Variants in SHROOM2 observed in about 807,000 individuals in gnomAD.
SHROOM2 encodes the protein shroom family member 2.
SHROOM2 carries 33 observed loss-of-function variants against 75.9 expected under a neutral mutation model. The observed-to-expected ratio is 0.43, with a 90% CI of 0.33 to 0.58. SHROOM2 has a LOEUF of 0.58. Among genes scored for constraint, SHROOM2 ranks in the 20% least tolerant of loss-of-function variants. SHROOM2 has a pLI of 0.04. For synonymous variants in SHROOM2, 655 were observed against 663.6 expected, an observed-to-expected ratio of 0.99 and a Z score of 0.20; for missense variants, 1,434 against 1,461.2, an observed-to-expected ratio of 0.98 and a Z score of 0.30.
intron 1 of SHROOM2, among the ~76,000 whole-genome samples, chrX:9,799,386 G>A (rs1237046755): frequency 2.7e-5 from 3 of 109,730 alleles, no homozygotes; most frequent in Non-Finnish European, 3.8e-5. Context: ...GGCTGGTCTC[G>A]AACTCCTGAC....
chrX:9,858,021 G>A (rs915465047), intron 1 of SHROOM2, among the ~76,000 whole-genome samples: 3 of 111,663 alleles, frequency 2.7e-5, no homozygotes, highest in African/African-American at 9.8e-5. Context: ...GCACTCCAGG[G>A]CTTTATGTTT....
At chrX:9,819,442 A>G (rs2083840391) in intron 1 of SHROOM2, 3 of 355,192 alleles carry the variant, frequency 8.4e-6, no homozygotes, top group Non-Finnish European at 1.0e-5. Context: ...AACTGGTCTG[A>G]TATGCTGGGG....
Position 9,786,598 on chromosome X carries a change from C to CGCGGGCG in SHROOM2, c.58_64dup (p.Asp22GlyfsTer38). The CGCGGGCG allele has an allele frequency of 1.3e-5, 11 of 873,970 alleles. No homozygotes were observed. Among genetic ancestry groups the CGCGGGCG allele is most frequent in the Non-Finnish European group, 1.3e-5 (9 of 715,416 alleles). The allele number at this position is 873,970 out of a possible 1,213,427, so 72.0% of individuals were successfully genotyped here. A position where few individuals can be genotyped will look rare whatever the true frequency, so the allele number is the denominator to read the frequency against. ...CCCGAGCGCCTGGCCGAGGCCGAGA[C>CGCGGGCG]GCGGGCGGCGGACGGCGGGCGCCTG... On this transcript the variant is annotated frameshift_variant, in exon 1 of 10. Transcript: ENST00000380913. LOFTEE classifies it high-confidence loss of function.
At chrX:9,928,682 A>G (rs1406325141) in intron 5 of SHROOM2, among the ~76,000 whole-genome samples, 1 of 111,230 alleles carries the variant, frequency 9.0e-6, no homozygotes, top group Non-Finnish European at 1.9e-5. Context: ...ACAACGCACA[A>G]CACAGGCACA....
chrX:9,813,377 A>T (rs1651651017), intron 1 of SHROOM2, among the ~76,000 whole-genome samples: 1 of 111,459 alleles, frequency 9.0e-6, no homozygotes, highest in Admixed American at 9.6e-5. Context: ...CCCTACTTCA[A>T]CTGGAGGACC....
chrX:9,928,750 G>A (rs916353465), intron 5 of SHROOM2, among the ~76,000 whole-genome samples: 4 of 108,842 alleles, frequency 3.7e-5, no homozygotes, highest in East Asian at 2.9e-4. Flanking sequence ...CAACCCAGGC[G>A]TACACATACA....
chrX:9,805,402 C>G (rs182197847), intron 1 of SHROOM2, among the ~76,000 whole-genome samples: 2 of 112,254 alleles, frequency 1.8e-5, no homozygotes, highest in South Asian at 3.7e-4. Flanking sequence ...TTCTGTCCCC[C>G]CAAAATTCCG....
intron 1 of SHROOM2, among the ~76,000 whole-genome samples, chrX:9,860,768 G>A (rs145013397): frequency 8.9e-6 from 1 of 111,868 alleles, no homozygotes; most frequent in Non-Finnish European, 1.9e-5. Context: ...GGAGTTGAAG[G>A]TGTAGGAAGC....
At chrX:9,847,230 G>A (rs746652476) in intron 1 of SHROOM2, among the ~76,000 whole-genome samples, 58 of 112,224 alleles carry the variant, frequency 5.2e-4, no homozygotes, top group Admixed American at 8.5e-4. Flanking sequence ...AACTCTATTG[G>A]CCTTTTATTG....
At chrX:9,858,694 A>G (rs1323793952) in intron 1 of SHROOM2, among the ~76,000 whole-genome samples, 1 of 111,677 alleles carries the variant, frequency 9.0e-6, no homozygotes, top group Admixed American at 9.5e-5. Context: ...AGTCCCAGCT[A>G]CTTGGGAGGC....
intron 2 of SHROOM2, among the ~76,000 whole-genome samples, chrX:9,877,701 T>C (rs1037602675): frequency 8.1e-4 from 91 of 112,358 alleles, no homozygotes; most frequent in African/African-American, 2.7e-3. Flanking sequence ...GATCTACCGC[T>C]TGCTGGCCTT....
chrX:9,946,920 C>T lies in SHROOM2; in HGVS notation c.4834C>T (p.Pro1612Ser), dbSNP rs2084826142. 8.4e-7 allele frequency: 1 copy of T among 1,196,060 alleles called. No homozygotes were observed. The highest frequency in any genetic ancestry group is 2.3e-5 in the Admixed American group (1 of 44,016). The stretch of plus-strand genomic sequence containing the variant: ...GAAGTGCTTATTGGACAGCCTTCAG[C>T]CCGAAAGGGGCAAATAAGAGACCAG... ...QLKCLLDSLQ[P>S]ERGK Residue 1612 changes from proline (P) to serine (S), a missense_variant, in exon 10 of 10, where the codon CCC becomes TCC. By Grantham distance (74) the Pro-to-Ser change is moderately conservative. Around this residue, in one of 3 missense-constraint regions of SHROOM2, gnomAD observed 80 missense variants for 88.4 expected, o/e 0.90. Transcript: ENST00000380913.
intron 2 of SHROOM2, among the ~76,000 whole-genome samples, chrX:9,889,778 A>G (rs772848925): frequency 4.5e-5 from 5 of 111,650 alleles, no homozygotes; most frequent in African/African-American, 1.6e-4. Context: ...GCTCAGGGGA[A>G]GATGCGGCTA....
At chrX:9,834,247 T>C (rs1023966022) in intron 1 of SHROOM2, among the ~76,000 whole-genome samples, 7 of 111,240 alleles carry the variant, frequency 6.3e-5, no homozygotes, top group African/African-American at 2.3e-4. Flanking sequence ...GCCCCCAGCA[T>C]GGGTTGAGTC....
At chrX:9,935,338 A>ATTAT (rs2084692245) in intron 6 of SHROOM2, among the ~76,000 whole-genome samples, 1 of 75,359 alleles carries the variant, frequency 1.3e-5, no homozygotes, top group African/African-American at 5.9e-5. Flanking sequence ...ATTATTATTT[A>ATTAT]TTATTATTAT....
chrX:9,932,513 C>T lies in SHROOM2; in HGVS notation c.3230C>T (p.Ala1077Val), dbSNP rs768241734. Reference sequence around the variant, plus strand: ...AAGCGCGAGCCCAGGAGATACAGGGCCACAGACGGCGCACCTGCTGACGCC... The same window carrying T: ...AAGCGCGAGCCCAGGAGATACAGGGTCACAGACGGCGCACCTGCTGACGCC... ...PPKREPRRYRATDGAPADAPV... is the reference protein window; with the variant it reads ...PPKREPRRYRVTDGAPADAPV... Residue 1077 changes from alanine to valine, a missense_variant, in exon 6 of 10, where the codon GCC (alanine) becomes GTC (valine). This residue lies in a region of SHROOM2 where 1,340 missense variants were observed against 1,338.3 expected (regional missense o/e 1.00). Coordinates refer to ENST00000380913, the MANE Select transcript of SHROOM2 (RefSeq NM_001649.4). 1 of 1,210,195 alleles carries T rather than the reference C, an allele frequency of 8.3e-7. No homozygotes were observed. Among genetic ancestry groups the T allele is most frequent in the South Asian group, 1.8e-5 (1 of 56,774 alleles).
At chrX:9,808,779 T>C (rs776313310) in intron 1 of SHROOM2, among the ~76,000 whole-genome samples, 83 of 110,258 alleles carry the variant, frequency 7.5e-4, no homozygotes, top group African/African-American at 2.6e-3. Flanking sequence ...AGAGAATCGC[T>C]TGAACCTGGG....
intron 1 of SHROOM2, among the ~76,000 whole-genome samples, chrX:9,830,394 G>A (rs1361511207): frequency 1.0e-4 from 11 of 110,083 alleles, no homozygotes; most frequent in African/African-American, 3.6e-4. Flanking sequence ...GCCTAGAGTC[G>A]CTGATCCACC....
chrX:9,808,553 A>AC (rs2083770431), intron 1 of SHROOM2, among the ~76,000 whole-genome samples: 1 of 109,556 alleles, frequency 9.1e-6, no homozygotes, highest in Non-Finnish European at 1.9e-5. Flanking sequence ...TGTCTCAAAA[A>AC]ATTTTTTTAA....
Sources: allele counts gnomAD v4.1 joint callset (sites outside exome capture counted in the v4.1 genomes callset), GRCh38; gene constraint gnomAD v4.1.1; regional missense constraint gnomAD v4.1.1; transcripts MANE v1.5; gene names NCBI Gene and HGNC (gene_info 2026-07-23, HGNC 2026-07-21).